RYR2: variants seen among roughly 807,000 people sequenced by gnomAD.
RYR2 encodes the protein ryanodine receptor 2.
Under a neutral mutation model 601.1 loss-of-function variants are expected in RYR2, and 227 were observed. The ratio of observed to expected loss-of-function variants is 0.38; its 90% CI spans 0.34 to 0.42. RYR2 has a LOEUF of 0.42. Among genes scored for constraint, RYR2 ranks in the 10% least tolerant of loss-of-function variants. The pLI is 1.00. For synonymous variants in RYR2, 2,223 were observed against 2,175.1 expected, an observed-to-expected ratio of 1.02 and a Z score of -0.61; for missense variants, 4,646 against 6,156.5, an observed-to-expected ratio of 0.75 and a Z score of 8.21.
intron 1 of RYR2, among the ~76,000 whole-genome samples, chr1:237,133,479 G>C (rs985208790): frequency 6.6e-5 from 10 of 152,150 alleles, no homozygotes; most frequent in African/African-American, 2.2e-4. Flanking sequence ...GGAGGGTTGA[G>C]TTATTTGTTG....
intron 1 of RYR2, among the ~76,000 whole-genome samples, chr1:237,123,533 G>A (rs1671045470): frequency 6.6e-6 from 1 of 152,068 alleles, no homozygotes; most frequent in Non-Finnish European, 1.5e-5. Flanking sequence ...GTTACAGTGA[G>A]CTACGACTGT....
chr1:237,760,255 G>A (rs1693311376), intron 83 of RYR2, among the ~76,000 whole-genome samples: 1 of 151,100 alleles, frequency 6.6e-6, no homozygotes, highest in Admixed American at 6.6e-5. Flanking sequence ...CTACTCAGGA[G>A]GCTGAGGTGG....
chr1:237,210,222 A>T (rs200552993), intron 1 of RYR2, among the ~76,000 whole-genome samples: 9 of 90,294 alleles, frequency 1.0e-4, no homozygotes, highest in South Asian at 4.5e-4. Context: ...ACTCTTTTTT[A>T]AAAAAATTTT....
Position 237,491,910 on chromosome 1 carries a change from G to A in RYR2, c.1813G>A (p.Gly605Arg). ...KSIISLLDKHGRNHKVLDVLC... is the reference protein window; with the variant it reads ...KSIISLLDKHRRNHKVLDVLC... ...TATTATCTCACTTTTAGACAAACAT[G>A]GAAGAAATCACAAGGTAAATGAACT... The change falls in exon 18 of 105, where the codon GGA becomes AGA. Residue 605 changes from glycine to arginine, a missense_variant. Transcript: ENST00000366574. The A allele has an allele frequency of 7.8e-7, 1 of 1,284,944 alleles. No individual in the cohort carries two copies. Among genetic ancestry groups the A allele is most frequent in the Non-Finnish European group, 1.1e-6 (1 of 909,346 alleles). 79.6% of individuals were successfully genotyped at this position (1,284,944 alleles called of 1,614,324 possible). A position where few individuals can be genotyped will look rare whatever the true frequency, so the allele number is the denominator to read the frequency against.
intron 76 of RYR2, among the ~76,000 whole-genome samples, chr1:237,729,477 T>A (rs902457529): frequency 6.6e-6 from 1 of 152,144 alleles, no homozygotes; most frequent in African/African-American, 2.4e-5. Flanking sequence ...TTCATAAACC[T>A]GTCTAACTGT....
At position 237,639,017 on chromosome 1, in the gene RYR2, G is replaced by T; in HGVS notation, c.6931G>T (p.Glu2311Ter). 1 of 1,613,622 alleles carries T rather than the reference G, an allele frequency of 6.2e-7. No homozygotes were observed. The highest frequency in any genetic ancestry group is 8.5e-7 in the Non-Finnish European group (1 of 1,179,810). Residue 2311 changes from glutamate to a stop codon, truncating the protein, a stop_gained and splice_region_variant, in exon 46 of 105, where the codon GAG becomes TAG. Transcript: ENST00000366574. LOFTEE classifies it high-confidence loss of function. The part of the protein sequence containing the change: ...FLRFAVFCNG[E>*]SVEENANVVV... ...TTATCTTCCCCATTCTACTTTAGGG[G>T]AGAGTGTGGAGGAAAATGCAAATGT...
chr1:237,278,122 G>T (rs1304198915), intron 2 of RYR2, among the ~76,000 whole-genome samples: 1 of 151,880 alleles, frequency 6.6e-6, no homozygotes, highest in Non-Finnish European at 1.5e-5. Context: ...CCAGGCTAGA[G>T]TGAAGTTGCA....
intron 10 of RYR2, among the ~76,000 whole-genome samples, chr1:237,409,771 T>C (rs1471502952): frequency 6.6e-6 from 1 of 152,158 alleles, no homozygotes; most frequent in Admixed American, 6.5e-5. Context: ...TTGATATGGC[T>C]TCTTCTTTGT....
At chr1:237,248,134 T>G (rs1687052862) in intron 1 of RYR2, among the ~76,000 whole-genome samples, 1 of 151,928 alleles carries the variant, frequency 6.6e-6, no homozygotes, top group Admixed American at 6.6e-5. Flanking sequence ...GAGCCGGGTG[T>G]GGTGGTGCAC....
chr1:237,814,965 CTTTTTTT>C (rs11314213), intron 100 of RYR2, among the ~76,000 whole-genome samples: 5,863 of 94,116 alleles, frequency 0.062, 107 homozygotes, highest in East Asian at 0.11. Flanking sequence ...TTTCTTTTTT[CTTTTTTT>C]TTTTTTTTTT....
At chr1:237,826,488 C>A (rs1293701807) in intron 101 of RYR2, among the ~76,000 whole-genome samples, 3 of 152,120 alleles carry the variant, frequency 2.0e-5, no homozygotes, top group South Asian at 2.1e-4. Context: ...GGGGGCATCA[C>A]ACACCAGAGC....
chr1:237,185,190 C>T (rs149798160), intron 1 of RYR2, among the ~76,000 whole-genome samples: 69 of 151,748 alleles, frequency 4.5e-4, no homozygotes, highest in African/African-American at 1.5e-3. Flanking sequence ...TGTAGAGATA[C>T]AGTCTCACTA....
At chr1:237,712,118 G>T (rs548453975) in intron 71 of RYR2, among the ~76,000 whole-genome samples, 2 of 152,164 alleles carry the variant, frequency 1.3e-5, no homozygotes, top group South Asian at 4.1e-4. Context: ...AGGGCCCCCC[G>T]GGGAGAGGTC....
chr1:237,180,186 G>A lies in RYR2; in HGVS notation c.49-90311G>A, dbSNP rs1443278791. Among the ~76,000 whole-genome samples the A allele has an allele frequency of 1.3e-5, 2 of 152,064 alleles. No homozygotes were observed. The highest frequency in any genetic ancestry group is 4.8e-5 in the African/African-American group (2 of 41,374). On this transcript the variant is annotated intron_variant, in intron 1 of 104. Transcript: ENST00000366574. The surrounding 1 kb of genome is among the most constrained non-coding windows in gnomAD (Gnocchi z 5.3). ...TGGCCTGATGGGAAATGCTGCATTT[G>A]GTCCCCAGGTCAGGAAGGCGAGGCT...
chr1:237,610,707 G>T lies in RYR2; in HGVS notation c.4684-55G>T. On this transcript the variant is annotated intron_variant, in intron 35 of 104. Transcript: ENST00000366574. This position sits in a 1 kb window ranked among gnomAD's most constrained non-coding sequence, Gnocchi z 4.9. ...TGTGCAGAATTCTAGTCATTACTTT[G>T]TGAACCCCAAGGGATGTTCTACATT... is the stretch of plus-strand genomic sequence containing the variant. 1 of 1,417,314 alleles carries T rather than the reference G, an allele frequency of 7.1e-7. No individual in the cohort carries two copies. 87.8% of individuals were successfully genotyped at this position (1,417,314 alleles called of 1,614,324 possible). A position where few individuals can be genotyped will look rare whatever the true frequency, so the allele number is the denominator to read the frequency against.
At chr1:237,335,168 G>A (rs1048270486) in intron 3 of RYR2, among the ~76,000 whole-genome samples, 3 of 152,042 alleles carry the variant, frequency 2.0e-5, no homozygotes, top group Admixed American at 6.6e-5. Flanking sequence ...TAATGATGCC[G>A]CAGCAGTGTT....
At chr1:237,060,350 A>G (rs1662685982) in intron 1 of RYR2, among the ~76,000 whole-genome samples, 1 of 152,212 alleles carries the variant, frequency 6.6e-6, no homozygotes, top group African/African-American at 2.4e-5. Flanking sequence ...TTAGCCTTTC[A>G]TAGACTGTTT....
At chr1:237,124,791 G>C (rs1020573855) in intron 1 of RYR2, among the ~76,000 whole-genome samples, 8 of 152,106 alleles carry the variant, frequency 5.3e-5, no homozygotes, top group Admixed American at 4.6e-4. Context: ...GGGGCGCGGG[G>C]GGCATTGCTG....
At chr1:237,750,774 C>T (rs954347437) in intron 80 of RYR2, among the ~76,000 whole-genome samples, 3 of 151,980 alleles carry the variant, frequency 2.0e-5, no homozygotes, top group Admixed American at 2.0e-4. Flanking sequence ...GCAGATGCTA[C>T]CTGAAGATGG....
Sources: allele counts gnomAD v4.1 joint callset (sites outside exome capture counted in the v4.1 genomes callset), GRCh38; gene constraint gnomAD v4.1.1; non-coding constraint Gnocchi (gnomAD v3.1); transcripts MANE v1.5; gene names NCBI Gene and HGNC (gene_info 2026-07-23, HGNC 2026-07-21).